The following UTP18 variants were observed in gnomAD, a reference collection of about 807,000 sequenced individuals.
UTP18 encodes the protein U3 small nucleolar RNA-associated protein 18 homolog.
A neutral mutation model predicts 61.1 loss-of-function variants in UTP18; 36 were observed. The observed-to-expected ratio is 0.59, with a 90% confidence interval of 0.45 to 0.78. The LOEUF is 0.78. Among genes scored for constraint, UTP18 ranks in the 30% least tolerant of loss-of-function variants. The probability of loss-of-function intolerance (pLI) is 0.00; values close to 1 mark genes in which losing one functional copy is unlikely to be tolerated. For synonymous variants in UTP18, 282 were observed against 251.1 expected (o/e 1.12, Z -1.16); for missense variants, 753 against 693.9 (o/e 1.09, Z -0.96).
intron 7 of UTP18, among the ~76,000 whole-genome samples, chr17:51,279,505 TG>T (rs986169978): frequency 2.0e-5 from 3 of 147,720 alleles, no homozygotes; most frequent in East Asian, 3.9e-4. Context: ...TTTTGTTTTT[TG>T]TTTTTGTTTT....
chr17:51,268,324 C>T (rs1904377944), intron 3 of UTP18, among the ~76,000 whole-genome samples: 1 of 152,208 alleles, frequency 6.6e-6, no homozygotes, highest in East Asian at 1.9e-4. Context: ...TGGCGCCCGG[C>T]CCAGGTACCA....
chr17:51,276,102 A>G, intron 6 of UTP18, 111 bp downstream of exon 6: 5 of 1,112,968 alleles, frequency 4.5e-6, no homozygotes, highest in East Asian at 2.9e-5. Flanking sequence ...TAGCTAAAAC[A>G]TCATAGCCCG....
At chr17:51,291,147 A>G (rs543342243) in intron 11 of UTP18, among the ~76,000 whole-genome samples, 1 of 152,308 alleles carries the variant, frequency 6.6e-6, no homozygotes, top group Admixed American at 6.5e-5. Context: ...TAATCCCAGC[A>G]CTTTGTGAGG....
chr17:51,284,493 C>T (rs559480101), intron 9 of UTP18, among the ~76,000 whole-genome samples: 5 of 152,180 alleles, frequency 3.3e-5, no homozygotes, highest in Admixed American at 6.5e-5. Context: ...CTTCCTCTTC[C>T]ATCATCATTA....
chr17:51,286,551 A>G (rs1237085466), intron 10 of UTP18: 2 of 456,150 alleles, frequency 4.4e-6, no homozygotes, highest in Admixed American at 2.3e-5. Context: ...TTGGGAGGAA[A>G]GGCAAGTAGA....
Position 51,263,325 on chromosome 17 carries a change from G to A in UTP18, c.394G>A (p.Gly132Ser). The change falls in exon 2 of 14, where the codon GGT (glycine) becomes AGT (serine). Residue 132 changes from glycine (G) to serine (S), a missense_variant. Gly to Ser is a moderately conservative substitution (Grantham distance 56). Transcript: ENST00000225298. ...GDSEVENEAK[G>S]NFPPQKKPVW... ...CTCAGAAGTGGAGAATGAAGCAAAA[G>A]GTAATTTTCCACCTCAAAAGAAGCC... The A allele has an allele frequency of 2.5e-6, 4 of 1,614,150 alleles. No homozygotes were observed. Among genetic ancestry groups the A allele is most frequent in the Middle Eastern group, 1.7e-4 (1 of 6,060 alleles).
chr17:51,297,877 G>T lies in UTP18; in HGVS notation c.*110G>T. 2.9e-6 allele frequency: 1 copy of T among 348,680 alleles called. No individual in the cohort carries two copies. The highest frequency in any genetic ancestry group is 2.2e-5 in the South Asian group (1 of 45,012). 21.6% of individuals were successfully genotyped at this position (348,680 alleles called of 1,614,324 possible). The stretch of plus-strand genomic sequence containing the variant: ...ATATGGAAAATGATTTATAGATCCA[G>T]CTGTGCTTAAGAGCCAGTAATGTCT... On this transcript the variant is annotated 3_prime_UTR_variant, in exon 14 of 14. Coordinates refer to ENST00000225298, the MANE Select transcript of UTP18 (RefSeq NM_016001.3).
At chr17:51,293,698 G>A (rs1276312315) in intron 11 of UTP18, among the ~76,000 whole-genome samples, 1 of 152,082 alleles carries the variant, frequency 6.6e-6, no homozygotes, top group Non-Finnish European at 1.5e-5. Context: ...AACTGCAGCT[G>A]TATCTCTTAA....
chr17:51,296,879 C>A, intron 12 of UTP18, 86 bp from the exon 13 acceptor site: 1 of 1,308,662 alleles, frequency 7.6e-7, no homozygotes, highest in South Asian at 1.4e-5. Context: ...CCACTAAAAT[C>A]TTCCTAAGTG....
intron 12 of UTP18, 198 bp from the exon 13 acceptor site, chr17:51,296,767 T>A: frequency 1.9e-6 from 1 of 518,784 alleles, no homozygotes; most frequent in Non-Finnish European, 3.4e-6. Context: ...GTAAGCCTAC[T>A]CATGTTACCT....
At chr17:51,271,985 T>C (rs1012650346) in intron 4 of UTP18, among the ~76,000 whole-genome samples, 1 of 152,098 alleles carries the variant, frequency 6.6e-6, no homozygotes, top group Non-Finnish European at 1.5e-5. Flanking sequence ...GGCTTACTTT[T>C]AATTACGTAT....
At position 51,288,202 on chromosome 17, in the gene UTP18, T is replaced by G. The variant is rs1905162536; in HGVS notation, c.1502T>G (p.Leu501Trp). ...ASEKMKEAVRLVHLPSCTVFS... is the reference protein window; with the variant it reads ...ASEKMKEAVRWVHLPSCTVFS... ...GAAAAAATGAAAGAAGCAGTCAGAT[T>G]GGTAAATATTTCATTACCCCTTTAT... Residue 501 changes from leucine to tryptophan, a missense_variant and splice_region_variant, in exon 11 of 14, where the codon TTG becomes TGG. Physicochemically the swap from Leu to Trp is moderately conservative, Grantham distance 61. Coordinates refer to ENST00000225298, the MANE Select transcript of UTP18 (RefSeq NM_016001.3). 6.3e-7 allele frequency: 1 copy of G among 1,576,746 alleles called. No homozygotes were observed. The highest frequency in any genetic ancestry group is 1.4e-5 in the African/African-American group (1 of 72,558).
At chr17:51,268,419 A>G (rs1555707059) in intron 3 of UTP18, among the ~76,000 whole-genome samples, 1 of 152,198 alleles carries the variant, frequency 6.6e-6, no homozygotes, top group Non-Finnish European at 1.5e-5. Flanking sequence ...GATGATATAT[A>G]ATGAAGTTTT....
intron 11 of UTP18, among the ~76,000 whole-genome samples, chr17:51,289,151 C>T (rs931273798): frequency 7.9e-5 from 12 of 151,858 alleles, no homozygotes; most frequent in Non-Finnish European, 1.3e-4. Context: ...TCAAATTCTC[C>T]GACACTATGC....
chr17:51,263,832 C>T (rs1172319555), intron 2 of UTP18, among the ~76,000 whole-genome samples: 1 of 152,144 alleles, frequency 6.6e-6, no homozygotes, highest in Non-Finnish European at 1.5e-5. Context: ...GAAGGTAGCT[C>T]ACACCATAGG....
chr17:51,290,041 T>C (rs1212708369), intron 11 of UTP18, among the ~76,000 whole-genome samples: 1 of 152,180 alleles, frequency 6.6e-6, no homozygotes. Flanking sequence ...GAGGCTAAGC[T>C]CCTTAACTTG....
intron 12 of UTP18, among the ~76,000 whole-genome samples, chr17:51,295,573 A>C (rs1022872062): frequency 2.6e-5 from 4 of 152,200 alleles, no homozygotes; most frequent in African/African-American, 9.7e-5. Flanking sequence ...CTGTTTTGGT[A>C]CCAGTACCCT....
chr17:51,270,936 T>C (rs945453545), intron 4 of UTP18, among the ~76,000 whole-genome samples: 5 of 152,216 alleles, frequency 3.3e-5, no homozygotes, highest in African/African-American at 1.2e-4. Flanking sequence ...GTTGAAGGTA[T>C]ACTTATTGTT....
chr17:51,280,367 T>C (rs1391304348), intron 8 of UTP18, 22 bp from the exon 9 acceptor site: 1 of 1,608,706 alleles, frequency 6.2e-7, no homozygotes, highest in African/African-American at 1.3e-5. Flanking sequence ...AACAGTTTGA[T>C]AAATAATATT....
Sources: allele counts gnomAD v4.1 joint callset (sites outside exome capture counted in the v4.1 genomes callset), GRCh38; gene constraint gnomAD v4.1.1; transcripts MANE v1.5; gene names NCBI Gene and HGNC (gene_info 2026-07-23, HGNC 2026-07-21).